Variants in TMA16 observed in about 807,000 individuals in gnomAD.
TMA16 encodes the protein translation machinery associated 16 homolog.
A neutral mutation model predicts 27.1 loss-of-function variants in TMA16; 26 were observed. The ratio of observed to expected loss-of-function variants is 0.96; its 90% CI spans 0.70 to 1.33. The LOEUF is 1.33. Among genes scored for constraint, TMA16 ranks in the 40% most tolerant of loss-of-function variants. The probability of loss-of-function intolerance (pLI) is 0.00; values close to 1 mark genes in which losing one functional copy is unlikely to be tolerated. For missense variants in TMA16, 233 were observed against 241.4 expected (o/e 0.97, Z 0.23); for synonymous variants, 71 against 81.9 (o/e 0.87, Z 0.72).
At chr4:163,516,383 T>C (rs1737877632) in intron 5 of TMA16, among the ~76,000 whole-genome samples, 1 of 152,240 alleles carries the variant, frequency 6.6e-6, no homozygotes, top group Non-Finnish European at 1.5e-5. Context: ...GTGTAACTAT[T>C]TCTGATTCAT....
intron 1 of TMA16, 89 bp from the exon 2 acceptor site, chr4:163,506,944 T>G: frequency 9.3e-7 from 1 of 1,073,442 alleles, no homozygotes; most frequent in Non-Finnish European, 1.3e-6. Context: ...CATATTACTG[T>G]TTTTAAAATT....
intron 1 of TMA16, among the ~76,000 whole-genome samples, chr4:163,504,553 A>C (rs1737693994): frequency 6.6e-6 from 1 of 152,198 alleles, no homozygotes; most frequent in Non-Finnish European, 1.5e-5. Flanking sequence ...GCTAGAGTGC[A>C]GTGGTGCCAT....
In TMA16 at chr4:163,514,182, CA is replaced by C. The variant is rs777257848; in HGVS notation, c.239+27del. The C allele has an allele frequency of 6.4e-6, 10 of 1,563,658 alleles. No individual in the cohort carries two copies. The Admixed American group carries it at 1.9e-4, about 29-fold the overall frequency. ...AGGTAAACACTGGGCATATTATGAG[CA>C]AAGGGTCAGAAAAGGGAATTGTCCA... On this transcript the variant is annotated intron_variant, in intron 4 of 6. Transcript: ENST00000358572.
chr4:163,496,302 C>T (rs1242751632), intron 1 of TMA16, among the ~76,000 whole-genome samples: 1 of 152,154 alleles, frequency 6.6e-6, no homozygotes, highest in Non-Finnish European at 1.5e-5. Context: ...TAGTACCTAC[C>T]TCATAGAATT....
rs147748819 is a variant in TMA16, at chr4:163,511,033, C to T, written c.117-1789C>T. 5.8e-3 allele frequency among the ~76,000 whole-genome samples: 890 copies of T among 152,222 alleles called. 2 individuals are homozygous for T. Among genetic ancestry groups the T allele is most frequent in the Non-Finnish European group, 8.7e-3 (592 of 68,000 alleles). On this transcript the variant is annotated intron_variant, in intron 2 of 6. Coordinates refer to ENST00000358572, the MANE Select transcript of TMA16 (RefSeq NM_018352.3). Reference sequence around the variant, plus strand: ...TTTATAAGAAATTCAGTTTATAAGACGTTAGGTTAACACACTTAAGATGTT... The same window carrying T: ...TTTATAAGAAATTCAGTTTATAAGATGTTAGGTTAACACACTTAAGATGTT...
chr4:163,519,084 G>T (rs903087325), intron 6 of TMA16, among the ~76,000 whole-genome samples: 1 of 152,116 alleles, frequency 6.6e-6, no homozygotes, highest in Non-Finnish European at 1.5e-5. Flanking sequence ...AGATTTGTCA[G>T]GTATGATACA....
intron 5 of TMA16, 110 bp from the exon 6 acceptor site, chr4:163,517,324 A>G: frequency 9.1e-7 from 1 of 1,093,692 alleles, no homozygotes; most frequent in Non-Finnish European, 1.3e-6. Context: ...CAATACTTCG[A>G]AATTTTGTTT....
chr4:163,515,262 G>A (rs766794760), intron 4 of TMA16, 51 bp from the exon 5 acceptor site: 11 of 1,542,434 alleles, frequency 7.1e-6, no homozygotes, highest in Non-Finnish European at 8.7e-6. Flanking sequence ...AGTAATGTAA[G>A]CCCAATACAT....
intron 1 of TMA16, among the ~76,000 whole-genome samples, chr4:163,497,768 G>T (rs1373384093): frequency 6.6e-6 from 1 of 152,090 alleles, no homozygotes; most frequent in Non-Finnish European, 1.5e-5. Context: ...AGTCCTTTTT[G>T]TCATATATGG....
intron 5 of TMA16, among the ~76,000 whole-genome samples, chr4:163,516,781 T>G (rs892590293): frequency 1.3e-5 from 2 of 152,182 alleles, no homozygotes; most frequent in Non-Finnish European, 2.9e-5. Context: ...TTTTTCACAT[T>G]TGGAAAAATG....
At chr4:163,498,678 T>G (rs1737599412) in intron 1 of TMA16, among the ~76,000 whole-genome samples, 1 of 152,200 alleles carries the variant, frequency 6.6e-6, no homozygotes, top group Admixed American at 6.5e-5. Flanking sequence ...AAAAAACTTT[T>G]TTTAGAGATG....
At chr4:163,499,847 T>G (rs1258106795) in intron 1 of TMA16, among the ~76,000 whole-genome samples, 2 of 152,196 alleles carry the variant, frequency 1.3e-5, no homozygotes, top group Non-Finnish European at 2.9e-5. Flanking sequence ...ATTTTTTGAG[T>G]GCTTGAAATA....
intron 1 of TMA16, among the ~76,000 whole-genome samples, chr4:163,506,487 A>C (rs1737719823): frequency 6.6e-6 from 1 of 152,206 alleles, no homozygotes; most frequent in Admixed American, 6.5e-5. Context: ...ATAAGGCTTC[A>C]GTGGGAAAAT....
At position 163,515,330 on chromosome 4, in the gene TMA16, G is replaced by A. The variant is rs189181045; in HGVS notation, c.257G>A (p.Ser86Asn). The change falls in exon 5 of 7, where the codon AGC becomes AAC. Residue 86 changes from serine to asparagine, a missense_variant. Ser to Asn is a conservative substitution (Grantham distance 46). Transcript: ENST00000358572. ...TTTTTCAGGTACTTAAATCGATTCAGCAGTGAGCTGGAGCAGATTGAGTTA... is the reference window on the plus strand; with the variant it reads ...TTTTTCAGGTACTTAAATCGATTCAACAGTGAGCTGGAGCAGATTGAGTTA... ...ELIERYLNRF[S>N]SELEQIELHN... 2 of 1,611,592 alleles carry A rather than the reference G, an allele frequency of 1.2e-6. No individual in the cohort carries two copies. The highest frequency in any genetic ancestry group is 2.2e-5 in the East Asian group (1 of 44,856).
Position 163,518,096 on chromosome 4 carries a change from T to A in TMA16, c.431+620T>A, listed in dbSNP as rs190924486. Among the ~76,000 whole-genome samples, 115 of 152,226 alleles carry A rather than the reference T, an allele frequency of 7.6e-4. 1 individual carries two copies. Among genetic ancestry groups the A allele is most frequent in the African/African-American group, 2.7e-3 (112 of 41,536 alleles). ...AATGAATCTACCCAGGTAGTGAGCA[T>A]AGCACCCAGTACGTGGTGTTTTTAG... On this transcript the variant is annotated intron_variant, in intron 6 of 6. Transcript: ENST00000358572.
chr4:163,508,228 A>G (rs1367575485), intron 2 of TMA16, among the ~76,000 whole-genome samples: 1 of 152,104 alleles, frequency 6.6e-6, no homozygotes, highest in African/African-American at 2.4e-5. Context: ...GTATTTTGCA[A>G]ACTTAAGTAC....
intron 2 of TMA16, among the ~76,000 whole-genome samples, chr4:163,509,175 A>G: frequency 6.6e-6 from 1 of 152,220 alleles, no homozygotes; most frequent in East Asian, 1.9e-4. Flanking sequence ...GAGTAGCAGC[A>G]TCAGTAACCA....
intron 1 of TMA16, among the ~76,000 whole-genome samples, chr4:163,496,122 T>C (rs1057222064): frequency 1.3e-5 from 2 of 152,220 alleles, no homozygotes; most frequent in African/African-American, 2.4e-5. Context: ...TTGGCTCATT[T>C]CTGGCTCTGT....
At chr4:163,517,397 A>C (rs1737897140) in intron 5 of TMA16, 37 bp from the exon 6 acceptor site, 1 of 1,563,516 alleles carries the variant, frequency 6.4e-7, no homozygotes, top group Non-Finnish European at 8.8e-7. Flanking sequence ...GATTTAGAAA[A>C]CATTGCCTCA....
Sources: allele counts gnomAD v4.1 joint callset (sites outside exome capture counted in the v4.1 genomes callset), GRCh38; gene constraint gnomAD v4.1.1; transcripts MANE v1.5; gene names NCBI Gene and HGNC (gene_info 2026-07-23, HGNC 2026-07-21).